ARFGEF2: variants seen among roughly 807,000 people sequenced by gnomAD.
ARFGEF2 encodes ARF guanine nucleotide exchange factor 2, also known as brefeldin A-inhibited guanine nucleotide-exchange protein 2.
Under a neutral mutation model 219.9 loss-of-function variants are expected in ARFGEF2, and 74 were observed. The observed-to-expected ratio is 0.34, with a 90% CI of 0.28 to 0.41. ARFGEF2 has a LOEUF of 0.41. Ranked by LOEUF, ARFGEF2 falls within the 10% of genes least tolerant of loss-of-function variation. The pLI, the probability that ARFGEF2 is intolerant of heterozygous loss-of-function variation, is 1.00. For missense variants in ARFGEF2, 1,743 were observed against 2,218.3 expected, an observed-to-expected ratio of 0.79 and a Z score of 4.30; for synonymous variants, 733 against 799.2, an observed-to-expected ratio of 0.92 and a Z score of 1.40.
intron 25 of ARFGEF2, among the ~76,000 whole-genome samples, chr20:49,004,021 A>G (rs1457221754): frequency 6.6e-6 from 1 of 152,150 alleles, no homozygotes. Context: ...ATTAAATAGC[A>G]CCTTGGGAGA....
In ARFGEF2 at chr20:49,012,022, A is replaced by G. The variant is rs2123521826; in HGVS notation, c.3856A>G (p.Thr1286Ala). 6.2e-7 allele frequency: 1 copy of G among 1,614,230 alleles called. No individual in the cohort carries two copies. The highest frequency in any genetic ancestry group is 8.5e-7 in the Non-Finnish European group (1 of 1,180,046). The change falls in exon 28 of 39, where the codon ACG becomes GCG. Residue 1286 changes from threonine to alanine, a missense_variant. Thr to Ala is a moderately conservative substitution (Grantham distance 58). Around this residue, in one of 5 missense-constraint regions of ARFGEF2, gnomAD observed 578 missense variants for 664.0 expected, o/e 0.87. Coordinates refer to ENST00000371917, the MANE Select transcript of ARFGEF2 (RefSeq NM_006420.3). ...EFACNAAFPD[T>A]SMEAIRLIRF... ...CGCCTGCAACGCCGCTTTCCCTGAC[A>G]CGAGCATGGAAGCGATTCGGCTCAT...
intron 11 of ARFGEF2, among the ~76,000 whole-genome samples, chr20:48,972,705 A>G (rs1331103732): frequency 6.6e-6 from 1 of 152,188 alleles, no homozygotes; most frequent in Non-Finnish European, 1.5e-5. Flanking sequence ...CAAGCTGAGT[A>G]CTGTTAATCA....
At chr20:48,969,604 A>G (rs957978502) in intron 9 of ARFGEF2, among the ~76,000 whole-genome samples, 6 of 152,208 alleles carry the variant, frequency 3.9e-5, no homozygotes, top group African/African-American at 1.4e-4. Context: ...GTGTGGAGGG[A>G]CAGGATGCCT....
At chr20:49,028,780 A>G (rs1568746665) in intron 37 of ARFGEF2, 112 bp downstream of exon 37, 6 of 1,238,938 alleles carry the variant, frequency 4.8e-6, no homozygotes, top group South Asian at 2.7e-5. Flanking sequence ...ACTCTGACAA[A>G]TTTTTTTTTC....
chr20:48,951,026 C>T (rs2091067825), intron 3 of ARFGEF2, among the ~76,000 whole-genome samples: 1 of 151,766 alleles, frequency 6.6e-6, no homozygotes, highest in Non-Finnish European at 1.5e-5. Flanking sequence ...ACTAATCTCT[C>T]TGTCTTGAGT....
chr20:49,030,360 A>G (rs1387134797), intron 37 of ARFGEF2, among the ~76,000 whole-genome samples: 5 of 149,736 alleles, frequency 3.3e-5, no homozygotes, highest in African/African-American at 1.2e-4. Flanking sequence ...GGGTCTTGCT[A>G]TGTTGCCTAG....
chr20:49,012,200 C>A, intron 28 of ARFGEF2, 116 bp downstream of exon 28: 1 of 1,367,172 alleles, frequency 7.3e-7, no homozygotes, highest in East Asian at 2.4e-5. Context: ...TGTGTTTGCC[C>A]TAAATTAGGT....
intron 13 of ARFGEF2, 40 bp downstream of exon 13, chr20:48,974,914 T>A (rs745976208): frequency 6.6e-7 from 1 of 1,520,354 alleles, no homozygotes; most frequent in African/African-American, 1.4e-5. Flanking sequence ...CCATTCATAA[T>A]AGGCTCCTAC....
At chr20:48,935,050 A>G (rs1316127657) in intron 1 of ARFGEF2, among the ~76,000 whole-genome samples, 3 of 152,200 alleles carry the variant, frequency 2.0e-5, no homozygotes, top group Middle Eastern at 6.8e-3. Context: ...TGCCATTCTA[A>G]CTGGCGTGAG....
intron 1 of ARFGEF2, among the ~76,000 whole-genome samples, chr20:48,938,986 T>C (rs796584980): frequency 6.6e-6 from 1 of 150,602 alleles, no homozygotes; most frequent in African/African-American, 2.4e-5. Flanking sequence ...GTTTGTTTTT[T>C]TTTTTTTTGA....
At chr20:48,934,984 G>A (rs1055516534) in intron 1 of ARFGEF2, among the ~76,000 whole-genome samples, 4 of 152,262 alleles carry the variant, frequency 2.6e-5, no homozygotes, top group East Asian at 3.9e-4. Context: ...GTGTAAAAGC[G>A]TTCCTATTTC....
At chr20:48,925,762 A>G (rs2090872937) in intron 1 of ARFGEF2, among the ~76,000 whole-genome samples, 1 of 152,122 alleles carries the variant, frequency 6.6e-6, no homozygotes, top group Non-Finnish European at 1.5e-5. Flanking sequence ...ACTTGAACCT[A>G]GGAAATGGAG....
At chr20:49,001,054 C>CTTTTTTTTTTTTTTTTTTTTTTTTTTTT (rs66754799) in intron 25 of ARFGEF2, among the ~76,000 whole-genome samples, 3 of 60,562 alleles carry the variant, frequency 5.0e-5, no homozygotes, top group Non-Finnish European at 6.6e-5. Flanking sequence ...CTCAGGAACT[C>CTTTTTTTTTTTTTTTTTTTTTTTTTTTT]TTTTTTTTTT....
At position 49,033,305 on chromosome 20, in the gene ARFGEF2, G is replaced by A; in HGVS notation, c.*106G>A. Reference sequence around the variant, plus strand: ...ATAGAAACAAGGAGTTGGCATCTTGGATCTCAGAATGGCCTGGAAACGGAT... The same window carrying A: ...ATAGAAACAAGGAGTTGGCATCTTGAATCTCAGAATGGCCTGGAAACGGAT... On this transcript the variant is annotated 3_prime_UTR_variant, in exon 39 of 39. Transcript: ENST00000371917. The A allele has an allele frequency of 7.5e-7, 1 of 1,336,878 alleles. No homozygotes were observed. The highest frequency in any genetic ancestry group is 1.1e-6 in the Non-Finnish European group (1 of 950,518). The allele number at this position is 1,336,878 out of a possible 1,614,324, so 82.8% of individuals were successfully genotyped here. A position where few individuals can be genotyped will look rare whatever the true frequency, so the allele number is the denominator to read the frequency against.
chr20:48,987,787 A>ATTAT (rs1419010616), intron 16 of ARFGEF2, among the ~76,000 whole-genome samples: 2 of 152,164 alleles, frequency 1.3e-5, no homozygotes, highest in South Asian at 2.1e-4. Context: ...CTCAATTTTT[A>ATTAT]TTATTTATTT....
Position 48,969,350 on chromosome 20 carries a change from C to G in ARFGEF2, c.1190+73C>G, listed in dbSNP as rs570400346. The G allele has an allele frequency of 6.7e-5, 108 of 1,611,766 alleles. 1 individual carries two copies. The South Asian group carries it at 1.2e-3, about 17-fold the overall frequency. ...GCACATGGTACTGTGTTTCACACTT[C>G]CCTTGTTCCAAGAAGTTTCAGTGTC... On this transcript the variant is annotated intron_variant, in intron 9 of 38. Coordinates refer to ENST00000371917, the MANE Select transcript of ARFGEF2 (RefSeq NM_006420.3).
At chr20:49,025,892 G>A (rs1336401839) in intron 36 of ARFGEF2, among the ~76,000 whole-genome samples, 1 of 151,554 alleles carries the variant, frequency 6.6e-6, no homozygotes, top group Non-Finnish European at 1.5e-5. Flanking sequence ...CGAGGCAGGA[G>A]AATCGCTTGT....
chr20:48,944,898 C>T (rs2091016725), intron 3 of ARFGEF2, among the ~76,000 whole-genome samples: 2 of 152,094 alleles, frequency 1.3e-5, no homozygotes, highest in African/African-American at 4.8e-5. Context: ...TCTTAGTCTG[C>T]TTGGGTTGGT....
chr20:48,984,042 T>TAA (rs573508007), intron 14 of ARFGEF2, among the ~76,000 whole-genome samples: 5 of 140,558 alleles, frequency 3.6e-5, no homozygotes, highest in African/African-American at 2.6e-5. Flanking sequence ...CCCTGTCTCT[T>TAA]AAAAAAAAAA....
Sources: gnomAD v4.1 joint callset for allele counts (sites outside exome capture counted in the v4.1 genomes callset) on GRCh38, gnomAD v4.1.1 for gene constraint, gnomAD v4.1.1 regional missense constraint, MANE v1.5 for transcripts, NCBI Gene and HGNC (gene_info 2026-07-23, HGNC 2026-07-21) for gene names.